Variants in HYPK observed in about 807,000 individuals in gnomAD.
The protein encoded by HYPK is huntingtin-interacting protein K.
A neutral mutation model predicts 13.9 loss-of-function variants in HYPK; 9 were observed. The observed-to-expected ratio is 0.65, with a 90% confidence interval of 0.39 to 1.13. The LOEUF is 1.13. Among genes scored for constraint, HYPK ranks in the 50% most tolerant of loss-of-function variants. The probability of loss-of-function intolerance (pLI) is 0.01; values close to 1 mark genes in which losing one functional copy is unlikely to be tolerated. For missense variants in HYPK, 138 were observed against 157.6 expected, an observed-to-expected ratio of 0.88 and a Z score of 0.67; for synonymous variants, 76 against 57.0, an observed-to-expected ratio of 1.33 and a Z score of -1.50.
rs2141700761 is a variant in HYPK, at chr15:43,802,209, G to A, written c.*403G>A. 1.8e-5 allele frequency: 3 copies of A among 163,662 alleles called. No homozygotes were observed. The highest frequency in any genetic ancestry group is 6.3e-3 in the Middle Eastern group (2 of 316). The allele number at this position is 163,662 out of a possible 1,614,324, so 10.1% of individuals were successfully genotyped here. A position where few individuals can be genotyped will look rare whatever the true frequency, so the allele number is the denominator to read the frequency against. On this transcript the variant is annotated 3_prime_UTR_variant, in exon 4 of 4. Transcript: ENST00000442995. Reference sequence around the variant, plus strand: ...TAGATAGATGTAGGTTATGAACCCAGTTCATAGGCCACCTTGAGTTAGAAT... The same window carrying A: ...TAGATAGATGTAGGTTATGAACCCAATTCATAGGCCACCTTGAGTTAGAAT...
At chr15:43,801,302 C>A (rs1284137011) in intron 2 of HYPK, 115 bp downstream of exon 2, 2 of 990,284 alleles carry the variant, frequency 2.0e-6, no homozygotes, top group Non-Finnish European at 3.1e-6. Flanking sequence ...CCAATTCCTG[C>A]AGATCTAGGC....
At chr15:43,801,383 G>A (rs1287975997) in intron 2 of HYPK, 135 bp from the exon 3 acceptor site, 1 of 877,836 alleles carries the variant, frequency 1.1e-6, no homozygotes, top group African/African-American at 1.7e-5. Flanking sequence ...GGGGAAAGGA[G>A]TATTAGTGGG....
At chr15:43,801,478 G>GCTC (rs1204976919) in intron 2 of HYPK, 40 bp from the exon 3 acceptor site, 10 of 1,533,250 alleles carry the variant, frequency 6.5e-6, no homozygotes, top group Non-Finnish European at 9.0e-6. Context: ...TTATGGTGTT[G>GCTC]GTTGAGAATG....
In HYPK at chr15:43,802,099, T is replaced by C. The variant is rs1202324831; in HGVS notation, c.*293T>C. 1 of 387,930 alleles carries C rather than the reference T, an allele frequency of 2.6e-6. No individual in the cohort carries two copies. The highest frequency in any genetic ancestry group is 2.0e-5 in the African/African-American group (1 of 49,110). The allele number at this position is 387,930 out of a possible 1,614,324, so 24.0% of individuals were successfully genotyped here. Reference sequence around the variant, plus strand: ...AGGTACATCTGGAGTCTCAGCAGAGTTACTGTACTCAAATGGCATGTGTCT... The same window carrying C: ...AGGTACATCTGGAGTCTCAGCAGAGCTACTGTACTCAAATGGCATGTGTCT... On this transcript the variant is annotated 3_prime_UTR_variant, in exon 4 of 4. Transcript: ENST00000442995.
At position 43,804,369 on chromosome 15, in the gene HYPK, C is replaced by G. The variant is rs1196019214; in HGVS notation, c.*2563C>G. The stretch of plus-strand genomic sequence containing the variant: ...GGACATTTAAAGGATGTGAGAAGAC[C>G]TTGGTCTTCTCAAAAACATCTGTAT... On this transcript the variant is annotated 3_prime_UTR_variant, in exon 4 of 4. Transcript: ENST00000442995. 1 of 152,052 alleles carries G rather than the reference C, an allele frequency of 6.6e-6. No homozygotes were observed. Among genetic ancestry groups the G allele is most frequent in the Non-Finnish European group, 1.5e-5 (1 of 68,006 alleles). The allele number at this position is 152,052 out of a possible 1,614,324, so 9.4% of individuals were successfully genotyped here.
In HYPK at chr15:43,801,134, C is replaced by T. The variant is rs74009157; in HGVS notation, c.165C>T (p.Ala55=). 4.4e-4 allele frequency: 704 copies of T among 1,613,642 alleles called. 3 individuals are homozygous for T. The African/African-American group carries it at 8.7e-3, about 20-fold the overall frequency. Residue 55 remains alanine (A), a splice_region_variant and synonymous_variant, in exon 2 of 4, where the codon GCC becomes GCT. Coordinates refer to ENST00000442995, the MANE Select transcript of HYPK (RefSeq NM_016400.4). ...AACTAGACCTGCCTTTCCCATAGGCCATGTCTGTGATTGGAGACAGAAGGT... is the reference window on the plus strand; with the variant it reads ...AACTAGACCTGCCTTTCCCATAGGCTATGTCTGTGATTGGAGACAGAAGGT... ...KEIQSSNLET[A]MSVIGDRRSR...
At position 43,800,712 on chromosome 15, in the gene HYPK, C is replaced by T; in HGVS notation, c.90C>T (p.Ser30=). ...CGGAGAAGCCACGGAAACATGACAG[C>T]GGTGCGGCGGACTTGGAGCGGGTCA... is the stretch of plus-strand genomic sequence containing the variant. ...RPPEKPRKHD[S]GAADLERVTD... The change falls in exon 1 of 4, where the codon AGC becomes AGT. Residue 30 remains serine, a synonymous_variant. Transcript: ENST00000442995. The T allele has an allele frequency of 6.2e-7, 1 of 1,613,920 alleles. No homozygotes were observed. The highest frequency in any genetic ancestry group is 8.5e-7 in the Non-Finnish European group (1 of 1,179,976).
chr15:43,800,516 G>A (rs745524099), upstream of HYPK: 195 of 1,417,934 alleles, frequency 1.4e-4, no homozygotes, highest in Non-Finnish European at 1.8e-4. Flanking sequence ...GGAGCAGAAA[G>A]AAGGTGTGGC....
At chr15:43,800,471 G>A (rs1182292047), upstream of HYPK, 6 of 1,077,138 alleles carry the variant, frequency 5.6e-6, no homozygotes, top group South Asian at 5.4e-5. Flanking sequence ...AAGTCTGAGA[G>A]ACGAACCGCC....
chr15:43,800,574 C>T, upstream of HYPK: 4 of 1,611,902 alleles, frequency 2.5e-6, no homozygotes, highest in South Asian at 3.3e-5. Context: ...TGTCAGTTGC[C>T]GGAAGTCGGC....
In HYPK at chr15:43,802,569, C is replaced by CAAAAAAAAAAAAAAAAAAAAAAAAA. The variant is rs34069133; in HGVS notation, c.*785_*786insAAAAAAAAAAAAAAAAAAAAAAAAA. On this transcript the variant is annotated 3_prime_UTR_variant, in exon 4 of 4. Transcript: ENST00000442995. ...TGGGGGAAAGAGTGAAACTCCATCT[C>CAAAAAAAAAAAAAAAAAAAAAAAAA]AAAAAAAAAAAAAAAAAAAAAAGCC... is the stretch of plus-strand genomic sequence containing the variant. 3 of 28,972 alleles carry CAAAAAAAAAAAAAAAAAAAAAAAAA rather than the reference C, an allele frequency of 1.0e-4. 1 individual carries two copies. Among genetic ancestry groups the CAAAAAAAAAAAAAAAAAAAAAAAAA allele is most frequent in the Non-Finnish European group, 1.8e-4 (3 of 17,046 alleles). The allele number at this position is 28,972 out of a possible 1,614,324, so 1.8% of individuals were successfully genotyped here. A position where few individuals can be genotyped will look rare whatever the true frequency, so the allele number is the denominator to read the frequency against.
Position 43,801,200 on chromosome 15 carries a change from G to A in HYPK, c.218+13G>A. The A allele has an allele frequency of 1.2e-6, 2 of 1,612,154 alleles. No individual in the cohort carries two copies. The highest frequency in any genetic ancestry group is 1.7e-6 in the Non-Finnish European group (2 of 1,178,330). On this transcript the variant is annotated intron_variant, in intron 2 of 3. Coordinates refer to ENST00000442995, the MANE Select transcript of HYPK (RefSeq NM_016400.4). ...CCAAACAGGAGCGGTAAGTCTTCAG[G>A]GGCAGCCAACTTTAACAGTTCTTCC...
At position 43,800,736 on chromosome 15, in the gene HYPK, C is replaced by T. The variant is rs972373780; in HGVS notation, c.114C>T (p.Val38=). The T allele has an allele frequency of 2.5e-6, 4 of 1,613,704 alleles. No individual in the cohort carries two copies. In the African/African-American group the frequency reaches 4.0e-5, roughly 16 times the overall value. The change falls in exon 1 of 4, where the codon GTC becomes GTT. Residue 38 remains valine, a synonymous_variant. Transcript: ENST00000442995. The part of the protein sequence containing the change: ...HDSGAADLER[V]TDYAEEKEIQ... ...GCGGTGCGGCGGACTTGGAGCGGGT[C>T]ACCGACTATGCAGAGGAGAAGGAGA... is the stretch of plus-strand genomic sequence containing the variant.
In HYPK at chr15:43,801,838, A is replaced by G; in HGVS notation, c.*32A>G. 6.3e-7 allele frequency: 1 copy of G among 1,588,494 alleles called. No individual in the cohort carries two copies. The highest frequency in any genetic ancestry group is 8.6e-7 in the Non-Finnish European group (1 of 1,158,854). ...CTTTCTCAAATATACCTACTGGATTAATTTATGGCAATAAAATTTTTTTTT... is the reference window on the plus strand; with the variant it reads ...CTTTCTCAAATATACCTACTGGATTGATTTATGGCAATAAAATTTTTTTTT... On this transcript the variant is annotated 3_prime_UTR_variant, in exon 4 of 4. Transcript: ENST00000442995.
intron 3 of HYPK, 22 bp from the exon 4 acceptor site, chr15:43,801,689 G>A: frequency 1.2e-6 from 2 of 1,613,804 alleles, no homozygotes; most frequent in Non-Finnish European, 1.7e-6. Flanking sequence ...GGGAACCTAT[G>A]TAACATGATT....
chr15:43,801,439 C>A (rs1343162191), intron 2 of HYPK, 79 bp from the exon 3 acceptor site: 4 of 1,176,504 alleles, frequency 3.4e-6, no homozygotes, highest in East Asian at 2.4e-5. Context: ...ATTTACAGGG[C>A]ACTTCTGGGA....
At position 43,803,323 on chromosome 15, in the gene HYPK, G is replaced by A. The variant is rs778466097; in HGVS notation, c.*1517G>A. ...AGATGGATTTGCTTGAGCCTGGGAGGTTGAGGCTGCAGTGAGCTGAGATTG... is the reference window on the plus strand; with the variant it reads ...AGATGGATTTGCTTGAGCCTGGGAGATTGAGGCTGCAGTGAGCTGAGATTG... On this transcript the variant is annotated 3_prime_UTR_variant, in exon 4 of 4. Coordinates refer to ENST00000442995, the MANE Select transcript of HYPK (RefSeq NM_016400.4). Among the ~76,000 whole-genome samples the A allele has an allele frequency of 6.6e-6, 1 of 151,978 alleles. No individual in the cohort carries two copies. The highest frequency in any genetic ancestry group is 2.4e-5 in the African/African-American group (1 of 41,346).
intron 1 of HYPK, 103 bp from the exon 2 acceptor site, chr15:43,801,029 C>A: frequency 9.5e-7 from 1 of 1,057,678 alleles, no homozygotes; most frequent in Non-Finnish European, 1.5e-6. Flanking sequence ...CCTGGTAACA[C>A]TTGTCATCGT....
Position 43,801,121 on chromosome 15 carries a change from C to A in HYPK, c.163-11C>A, listed in dbSNP as rs375508596. On this transcript the variant is annotated splice_polypyrimidine_tract_variant and intron_variant, in intron 1 of 3. Transcript: ENST00000442995. Reference sequence around the variant, plus strand: ...GTAGCGGTGCAGTAACTAGACCTGCCTTTCCCATAGGCCATGTCTGTGATT... The same window carrying A: ...GTAGCGGTGCAGTAACTAGACCTGCATTTCCCATAGGCCATGTCTGTGATT... 2.3e-5 allele frequency: 37 copies of A among 1,612,908 alleles called. No homozygotes were observed. Among genetic ancestry groups the A allele is most frequent in the Non-Finnish European group, 3.1e-5 (37 of 1,179,196 alleles).
Sources: allele counts gnomAD v4.1 joint callset (sites outside exome capture counted in the v4.1 genomes callset), GRCh38; gene constraint gnomAD v4.1.1; transcripts MANE v1.5; gene names NCBI Gene and HGNC (gene_info 2026-07-23, HGNC 2026-07-21).